R3HDM2: variants seen among roughly 807,000 people sequenced by gnomAD.
R3HDM2 encodes the protein R3H domain containing 2, also known as R3H domain-containing protein 2.
A neutral mutation model predicts 124.5 loss-of-function variants in R3HDM2; 38 were observed. The observed-to-expected ratio is 0.31, with a 90% CI of 0.24 to 0.40. The LOEUF (loss-of-function observed/expected upper bound fraction) is 0.40, where lower values mean the gene tolerates loss of function less well. Ranked by LOEUF, R3HDM2 falls within the 10% of genes least tolerant of loss-of-function variation. The pLI is 1.00. For synonymous variants in R3HDM2, 391 were observed against 448.0 expected, an observed-to-expected ratio of 0.87 and a Z score of 1.61; for missense variants, 869 against 1,236.9, an observed-to-expected ratio of 0.70 and a Z score of 4.46.
chr12:57,353,620 G>T (rs1473331958), intron 2 of R3HDM2, among the ~76,000 whole-genome samples: 1 of 151,804 alleles, frequency 6.6e-6, no homozygotes, highest in Non-Finnish European at 1.5e-5. Context: ...TTGTTATGTT[G>T]CTCAAGCTGG....
In R3HDM2 at chr12:57,377,262, T is replaced by C. The variant is rs1465915061; in HGVS notation, c.-36+18487A>G. Among the ~76,000 whole-genome samples, 4 of 151,988 alleles carry C rather than the reference T, an allele frequency of 2.6e-5. No homozygotes were observed. The East Asian group carries it at 7.7e-4, about 29-fold the overall frequency. On this transcript the variant is annotated intron_variant, in intron 2 of 23. Transcript: ENST00000402412. ...AGTCTTGAGTTTGCAAGATAGCAGA[T>C]AAGAAACAACTTTCTGAAACACTGA...
intron 2 of R3HDM2, among the ~76,000 whole-genome samples, chr12:57,340,713 A>G (rs1173069194): frequency 6.6e-6 from 1 of 152,232 alleles, no homozygotes; most frequent in Non-Finnish European, 1.5e-5. Context: ...AAAATAAACC[A>G]GCATATTTTT....
intron 13 of R3HDM2, among the ~76,000 whole-genome samples, chr12:57,282,472 T>A (rs7133939): frequency 0.45 from 67,829 of 151,788 alleles, 15,711 homozygotes; most frequent in South Asian, 0.52. Flanking sequence ...TGAGTTTAGA[T>A]CTGTTTTAGA....
At chr12:57,355,836 C>T (rs2061231140) in intron 2 of R3HDM2, among the ~76,000 whole-genome samples, 1 of 152,128 alleles carries the variant, frequency 6.6e-6, no homozygotes, top group African/African-American at 2.4e-5. Flanking sequence ...CTGAGTATTT[C>T]ATATTTTTAT....
At chr12:57,413,599 G>A (rs1217728837) in intron 1 of R3HDM2, among the ~76,000 whole-genome samples, 6 of 151,760 alleles carry the variant, frequency 4.0e-5, no homozygotes, top group Middle Eastern at 3.4e-3. Context: ...AGCCAGGCAT[G>A]GTGGCGGGCA....
At chr12:57,263,121 T>C (rs769870772) in intron 19 of R3HDM2, among the ~76,000 whole-genome samples, 1 of 152,234 alleles carries the variant, frequency 6.6e-6, no homozygotes, top group Non-Finnish European at 1.5e-5. Context: ...AAAAATTCTT[T>C]TCACTTGATT....
At chr12:57,423,063 T>C (rs1004248697) in intron 1 of R3HDM2, among the ~76,000 whole-genome samples, 3 of 152,016 alleles carry the variant, frequency 2.0e-5, no homozygotes, top group Admixed American at 6.6e-5. Context: ...TCACCAAATA[T>C]TTGAAGAAGG....
chr12:57,399,950 G>A (rs1316386308), intron 1 of R3HDM2, among the ~76,000 whole-genome samples: 1 of 152,164 alleles, frequency 6.6e-6, no homozygotes, highest in Non-Finnish European at 1.5e-5. Flanking sequence ...TCATCCTGAT[G>A]GACTGACAAG....
intron 2 of R3HDM2, among the ~76,000 whole-genome samples, chr12:57,379,048 C>A (rs1231748003): frequency 2.6e-5 from 4 of 151,920 alleles, no homozygotes; most frequent in African/African-American, 9.7e-5. Flanking sequence ...ATGGTACTTG[C>A]CAGGGCTGGG....
chr12:57,296,295 G>T lies in R3HDM2; in HGVS notation c.701+116C>A. Reference sequence around the variant, plus strand: ...GGCCTCCCAAAGTGCTGGGATTACAGGTGTGAGCCACCACGCCTGGCCATC... The same window carrying T: ...GGCCTCCCAAAGTGCTGGGATTACATGTGTGAGCCACCACGCCTGGCCATC... On this transcript the variant is annotated intron_variant, in intron 9 of 23. Transcript: ENST00000402412. This position sits in a 1 kb window ranked among gnomAD's most constrained non-coding sequence, Gnocchi z 4.5. The T allele has an allele frequency of 8.1e-7, 1 of 1,231,076 alleles. No individual in the cohort carries two copies. The highest frequency in any genetic ancestry group is 1.1e-6 in the Non-Finnish European group (1 of 878,054). 76.3% of individuals were successfully genotyped at this position (1,231,076 alleles called of 1,614,324 possible).
At chr12:57,377,862 C>T (rs909476047) in intron 2 of R3HDM2, among the ~76,000 whole-genome samples, 5 of 152,022 alleles carry the variant, frequency 3.3e-5, no homozygotes, top group Non-Finnish European at 5.9e-5. Context: ...CCGAGGTGGG[C>T]GGATTGCTTG....
At chr12:57,336,085 T>G (rs1193338934) in intron 2 of R3HDM2, among the ~76,000 whole-genome samples, 7 of 143,176 alleles carry the variant, frequency 4.9e-5, no homozygotes, top group Non-Finnish European at 7.7e-5. Context: ...TCATTGTGGG[T>G]TTTTTTTTTT....
chr12:57,363,473 C>G (rs536386010), intron 2 of R3HDM2, among the ~76,000 whole-genome samples: 1 of 152,150 alleles, frequency 6.6e-6, no homozygotes, highest in South Asian at 2.1e-4. Context: ...TTAAAGGATA[C>G]AAAACTATAG....
intron 1 of R3HDM2, among the ~76,000 whole-genome samples, chr12:57,428,114 C>T (rs557771513): frequency 1.4e-5 from 2 of 145,616 alleles, no homozygotes; most frequent in South Asian, 4.3e-4. Flanking sequence ...AGCGAGACTC[C>T]ATCTCAAAAA....
At chr12:57,320,594 G>A (rs116639970) in intron 2 of R3HDM2, among the ~76,000 whole-genome samples, 1,742 of 152,196 alleles carry the variant, frequency 0.011, 31 homozygotes, top group African/African-American at 0.039. Context: ...TGCACAGAGG[G>A]GACTGTGAGA....
At chr12:57,330,950 G>A (rs1209550868) in intron 2 of R3HDM2, among the ~76,000 whole-genome samples, 8 of 151,356 alleles carry the variant, frequency 5.3e-5, no homozygotes, top group Admixed American at 1.3e-4. Context: ...TGCCCGCCTC[G>A]GCCTCCCAAA....
chr12:57,364,902 G>A (rs183355104), intron 2 of R3HDM2, among the ~76,000 whole-genome samples: 3,651 of 140,564 alleles, frequency 0.026, 151 homozygotes, highest in African/African-American at 0.092. Context: ...GCAGCGAGCC[G>A]AGATCACACC....
At chr12:57,385,136 AGAGT>A (rs903044344) in intron 2 of R3HDM2, among the ~76,000 whole-genome samples, 33 of 152,194 alleles carry the variant, frequency 2.2e-4, no homozygotes, top group African/African-American at 7.7e-4. Flanking sequence ...CCTGGGCAAC[AGAGT>A]GAGACTCCAT....
chr12:57,372,871 T>C (rs1381219038), intron 2 of R3HDM2, among the ~76,000 whole-genome samples: 1 of 152,218 alleles, frequency 6.6e-6, no homozygotes, highest in Non-Finnish European at 1.5e-5. Flanking sequence ...GCTTGAAAAC[T>C]GAACAAAATC....
Sources: gnomAD v4.1 joint callset for allele counts (sites outside exome capture counted in the v4.1 genomes callset) on GRCh38, gnomAD v4.1.1 for gene constraint, Gnocchi (gnomAD v3.1) non-coding constraint, MANE v1.5 for transcripts, NCBI Gene and HGNC (gene_info 2026-07-23, HGNC 2026-07-21) for gene names.